Variants in LRTM3 observed in about 807,000 individuals in gnomAD.
LRTM3 encodes the protein leucine rich repeat transmembrane protein 3, also known as leucine-rich repeat transmembrane protein 3.
At chr13:102,731,288 G>A in the LRTM3 span, 1 of 1,551,266 alleles carries the variant, frequency 6.4e-7, no homozygotes, top group South Asian at 1.2e-5. Context: ...CCCTTCTAGA[G>A]ACATAAAGTT....
chr13:102,738,860 A>T, the LRTM3 span: 1 of 1,550,686 alleles, frequency 6.4e-7, no homozygotes, highest in Non-Finnish European at 8.7e-7. Flanking sequence ...TAATTCTTGG[A>T]ATATTGAAGG....
chr13:102,740,295 T>C, the LRTM3 span: 1 of 1,550,126 alleles, frequency 6.5e-7, no homozygotes, highest in African/African-American at 1.4e-5. Context: ...TGTTTTTTCA[T>C]CTGCCTTGGA....
chr13:102,746,042 A>G, the LRTM3 span: 1 of 1,551,188 alleles, frequency 6.4e-7, no homozygotes, highest in African/African-American at 1.4e-5. Flanking sequence ...AGGACCTCCA[A>G]GGACTTTTAT....
chr13:102,740,684 A>T, the LRTM3 span: 34 of 1,548,056 alleles, frequency 2.2e-5, no homozygotes, highest in Middle Eastern at 3.2e-3. Flanking sequence ...AGATGCATTG[A>T]ACTGAAATAG....
the LRTM3 span, chr13:102,738,936 C>G: frequency 6.4e-7 from 1 of 1,550,646 alleles, no homozygotes; most frequent in African/African-American, 1.4e-5. Context: ...TCCACTCTGT[C>G]TTTGTCTTTC....
the LRTM3 span, chr13:102,742,439 G>A: frequency 6.5e-7 from 1 of 1,548,032 alleles, no homozygotes; most frequent in Non-Finnish European, 8.7e-7. Context: ...CAGGGCAAAT[G>A]TCTTGGGATC....
the LRTM3 span, chr13:102,736,213 A>G: frequency 6.5e-7 from 1 of 1,548,710 alleles, no homozygotes; most frequent in Non-Finnish European, 8.7e-7. Context: ...GCATGAATGG[A>G]TGAGTTTTTG....
chr13:102,755,965 T>TATACATATA, the LRTM3 span, among the ~76,000 whole-genome samples: 110 of 123,228 alleles, frequency 8.9e-4, 2 homozygotes, highest in African/African-American at 3.2e-3. Context: ...ATATATATTT[T>TATACATATA]TTTTTTTTCC....
the LRTM3 span, chr13:102,743,320 T>C: frequency 6.4e-6 from 10 of 1,550,444 alleles, no homozygotes; most frequent in South Asian, 1.2e-4. Context: ...CTGTTTGGAA[T>C]CCACTTTGCC....
At chr13:102,740,004 TA>T in the LRTM3 span, 1 of 1,550,486 alleles carries the variant, frequency 6.4e-7, no homozygotes, top group Non-Finnish European at 8.7e-7. Context: ...ACGCCTTTCC[TA>T]ATAACTTGTT....
the LRTM3 span, chr13:102,735,941 GAGT>G: frequency 1.9e-6 from 3 of 1,545,656 alleles, no homozygotes; most frequent in Non-Finnish European, 2.6e-6. Flanking sequence ...AATGTGCAAA[GAGT>G]AGTTCTTTCC....
the LRTM3 span, among the ~76,000 whole-genome samples, chr13:102,752,014 C>T: frequency 2.0e-5 from 3 of 152,136 alleles, no homozygotes; most frequent in South Asian, 4.1e-4. Flanking sequence ...CTTGCACCAC[C>T]CTTGATATCA....
At chr13:102,744,474 C>T in the LRTM3 span, 7 of 1,550,474 alleles carry the variant, frequency 4.5e-6, 1 homozygote, top group South Asian at 2.4e-5. Flanking sequence ...GTCTTTAGAC[C>T]TTCCATACAT....
chr13:102,743,315 T>C, the LRTM3 span: 1 of 1,550,564 alleles, frequency 6.4e-7, no homozygotes, highest in South Asian at 1.2e-5. Context: ...TATCTCTGTT[T>C]GGAATCCACT....
chr13:102,740,255 T>C, the LRTM3 span: 2 of 1,549,706 alleles, frequency 1.3e-6, no homozygotes, highest in Admixed American at 2.0e-5. Flanking sequence ...TATAGTTTTA[T>C]GGTATGATCC....
chr13:102,758,458 T>C, the LRTM3 span: 18 of 1,539,278 alleles, frequency 1.2e-5, no homozygotes, highest in Admixed American at 2.0e-5. Context: ...TGGAGCTGAA[T>C]AGGAATAAAA....
At chr13:102,756,776 A>G in the LRTM3 span, among the ~76,000 whole-genome samples, 1 of 150,816 alleles carries the variant, frequency 6.6e-6, no homozygotes, top group African/African-American at 2.4e-5. Context: ...TCACCATAAT[A>G]TGCTGCTGCC....
the LRTM3 span, chr13:102,744,241 C>A: frequency 6.5e-7 from 1 of 1,550,344 alleles, no homozygotes; most frequent in Non-Finnish European, 8.7e-7. Flanking sequence ...ATTTGGGACT[C>A]ATACTTTTCT....
the LRTM3 span, chr13:102,734,542 C>T: frequency 1.9e-6 from 3 of 1,551,254 alleles, no homozygotes; most frequent in African/African-American, 4.1e-5. Context: ...TCTTTGACTT[C>T]AAAGTTATAT....
Sources: allele counts gnomAD v4.1 joint callset (sites outside exome capture counted in the v4.1 genomes callset), GRCh38; gene constraint gnomAD v4.1.1; transcripts MANE v1.5; gene names NCBI Gene and HGNC (gene_info 2026-07-23, HGNC 2026-07-21).